The following TASP1 variants were observed in gnomAD, a reference collection of about 807,000 sequenced individuals.
TASP1 encodes threonine aspartase 1.
Under a neutral mutation model 56.6 loss-of-function variants are expected in TASP1, and 16 were observed. The observed-to-expected ratio is 0.28, with a 90% CI of 0.19 to 0.43. TASP1 has a LOEUF of 0.43. TASP1 is among the 20% of genes least tolerant of loss of function. The pLI is 1.00. For missense variants in TASP1, 393 were observed against 511.6 expected (o/e 0.77, Z 2.24); for synonymous variants, 179 against 184.2 (o/e 0.97, Z 0.23).
chr20:13,520,864 A>C (rs1428252034), intron 10 of TASP1, among the ~76,000 whole-genome samples: 1 of 152,226 alleles, frequency 6.6e-6, no homozygotes, highest in Non-Finnish European at 1.5e-5. Flanking sequence ...AAATTTTTGC[A>C]ATCTACTCAT....
chr20:13,207,550 G>T, the TASP1 span, among the ~76,000 whole-genome samples: 2 of 152,220 alleles, frequency 1.3e-5, no homozygotes, highest in African/African-American at 2.4e-5. Flanking sequence ...GACCAGGAAA[G>T]TTGGTGGTGC....
chr20:13,523,284 T>A (rs1371111770), intron 10 of TASP1, among the ~76,000 whole-genome samples: 1 of 152,168 alleles, frequency 6.6e-6, no homozygotes, highest in Non-Finnish European at 1.5e-5. Context: ...AGTACAAGAA[T>A]GACTGCTGCT....
At chr20:13,404,996 T>C (rs1024447772) in intron 13 of TASP1, among the ~76,000 whole-genome samples, 2 of 152,198 alleles carry the variant, frequency 1.3e-5, no homozygotes, top group African/African-American at 2.4e-5. Context: ...GATACACTTA[T>C]TTAGTCAGTT....
chr20:13,134,659 C>T, the TASP1 span, among the ~76,000 whole-genome samples: 1 of 152,068 alleles, frequency 6.6e-6, no homozygotes, highest in African/African-American at 2.4e-5. Context: ...AATTTGATAA[C>T]CATGTTTCTA....
intron 4 of TASP1, among the ~76,000 whole-genome samples, chr20:13,616,090 C>T (rs2048514992): frequency 6.6e-6 from 1 of 152,112 alleles, no homozygotes; most frequent in South Asian, 2.1e-4. Context: ...CACACACACA[C>T]ACACAATCAT....
the TASP1 span, among the ~76,000 whole-genome samples, chr20:13,162,932 T>C: frequency 6.6e-6 from 1 of 152,084 alleles, no homozygotes; most frequent in Admixed American, 6.6e-5. Context: ...TAAAGAAACC[T>C]AACTCTGAGC....
At chr20:13,583,324 G>A (rs6042224) in intron 5 of TASP1, among the ~76,000 whole-genome samples, 45,094 of 152,098 alleles carry the variant, frequency 0.3, 7,909 homozygotes, top group African/African-American at 0.48. Flanking sequence ...ACCAGCTCTG[G>A]CCTGGGTAAC....
intron 7 of TASP1, among the ~76,000 whole-genome samples, chr20:13,564,803 C>T (rs2046459147): frequency 6.6e-6 from 1 of 151,794 alleles, no homozygotes; most frequent in Admixed American, 6.6e-5. Flanking sequence ...GAGTTCAAAA[C>T]CAGCCTGGCC....
intron 11 of TASP1, among the ~76,000 whole-genome samples, chr20:13,460,041 T>C (rs748309025): frequency 4.6e-5 from 7 of 152,124 alleles, no homozygotes; most frequent in Non-Finnish European, 1.0e-4. Context: ...AAAAATTCCT[T>C]CAAAGATGTG....
intron 1 of TASP1, among the ~76,000 whole-genome samples, chr20:13,633,814 C>T (rs995044119): frequency 1.3e-5 from 2 of 150,712 alleles, no homozygotes; most frequent in African/African-American, 4.9e-5. Context: ...AACATAGGCA[C>T]GTAACAGGTT....
the TASP1 span, among the ~76,000 whole-genome samples, chr20:13,364,396 C>T: frequency 6.6e-6 from 1 of 152,114 alleles, no homozygotes; most frequent in Admixed American, 6.5e-5. Context: ...GAATTGCGGT[C>T]AGGAAGGGGA....
intron 11 of TASP1, among the ~76,000 whole-genome samples, chr20:13,441,738 G>A (rs2043219372): frequency 6.6e-6 from 1 of 152,184 alleles, no homozygotes; most frequent in South Asian, 2.1e-4. Flanking sequence ...AAGCTGCTGT[G>A]GCAGCCCAGT....
intron 4 of TASP1, chr20:13,614,888 A>G (rs978506745): frequency 1.1e-5 from 5 of 457,910 alleles, no homozygotes; most frequent in African/African-American, 8.0e-5. Flanking sequence ...CTAAAACAGA[A>G]AAGACAAATG....
At chr20:13,373,436 G>C in the TASP1 span, among the ~76,000 whole-genome samples, 3 of 146,802 alleles carry the variant, frequency 2.0e-5, no homozygotes, top group African/African-American at 7.6e-5. Context: ...AGGCAGGTCT[G>C]ATAGCAGCAA....
the TASP1 span, among the ~76,000 whole-genome samples, chr20:13,364,725 T>C: frequency 6.6e-6 from 1 of 151,986 alleles, no homozygotes; most frequent in East Asian, 1.9e-4. Flanking sequence ...AAAGAGAACT[T>C]GAAGTGACCT....
At chr20:13,523,619 A>C (rs983605576) in intron 10 of TASP1, among the ~76,000 whole-genome samples, 2 of 152,048 alleles carry the variant, frequency 1.3e-5, no homozygotes, top group African/African-American at 4.8e-5. Context: ...TTGAGGCATA[A>C]GGCTGTTCTC....
intron 4 of TASP1, among the ~76,000 whole-genome samples, chr20:13,593,134 T>A (rs1329589347): frequency 1.3e-5 from 2 of 152,114 alleles, no homozygotes; most frequent in Admixed American, 6.5e-5. Flanking sequence ...AGAGGAGAAT[T>A]TCCTTAACTT....
intron 11 of TASP1, among the ~76,000 whole-genome samples, chr20:13,465,699 T>G (rs989580631): frequency 6.6e-6 from 1 of 152,094 alleles, no homozygotes; most frequent in African/African-American, 2.4e-5. Flanking sequence ...TGGATGAATC[T>G]CCACGGAATT....
At chr20:13,605,551 A>C (rs1489737582) in intron 4 of TASP1, among the ~76,000 whole-genome samples, 1 of 152,056 alleles carries the variant, frequency 6.6e-6, no homozygotes, top group Non-Finnish European at 1.5e-5. Flanking sequence ...ATGGTGGTGC[A>C]TGCCTGTAGT....
Sources: allele counts gnomAD v4.1 joint callset (sites outside exome capture counted in the v4.1 genomes callset), GRCh38; gene constraint gnomAD v4.1.1; transcripts MANE v1.5; gene names NCBI Gene and HGNC (gene_info 2026-07-23, HGNC 2026-07-21).